PDE10A: variants seen among roughly 807,000 people sequenced by gnomAD.
PDE10A encodes phosphodiesterase 10A, also known as cAMP and cAMP-inhibited cGMP 3',5'-cyclic phosphodiesterase 10A.
A neutral mutation model predicts 97.7 loss-of-function variants in PDE10A; 39 were observed. That is an observed-to-expected ratio of 0.40 (90% CI 0.31 to 0.52). PDE10A has a LOEUF of 0.52. Among genes scored for constraint, PDE10A ranks in the 20% least tolerant of loss-of-function variants. The pLI, the probability that PDE10A is intolerant of heterozygous loss-of-function variation, is 0.56. For missense variants in PDE10A, 731 were observed against 1,047.8 expected, an observed-to-expected ratio of 0.70 and a Z score of 4.17; for synonymous variants, 371 against 376.8, an observed-to-expected ratio of 0.98 and a Z score of 0.18.
chr6:165,402,304 T>C (rs1246712561), intron 13 of PDE10A, among the ~76,000 whole-genome samples: 1 of 152,082 alleles, frequency 6.6e-6, no homozygotes, highest in Non-Finnish European at 1.5e-5. Context: ...TTTATATTTG[T>C]AATCAGTGTA....
intron 5 of PDE10A, among the ~76,000 whole-genome samples, chr6:165,437,715 A>T (rs1199797492): frequency 6.6e-6 from 1 of 152,190 alleles, no homozygotes; most frequent in Non-Finnish European, 1.5e-5. Context: ...TGAAGGCCCA[A>T]AACTCCAGCA....
intron 1 of PDE10A, among the ~76,000 whole-genome samples, chr6:165,603,808 A>G (rs1787081625): frequency 6.6e-6 from 1 of 152,262 alleles, no homozygotes; most frequent in African/African-American, 2.4e-5. Flanking sequence ...AACAACAAAA[A>G]ATTGGCACTA....
Position 165,543,188 on chromosome 6 carries a change from A to T in PDE10A, c.994+252T>A, listed in dbSNP as rs1290187450. Among the ~76,000 whole-genome samples the T allele has an allele frequency of 4.6e-5, 7 of 152,276 alleles. No individual in the cohort carries two copies. In the South Asian group the frequency reaches 6.2e-4, roughly 14 times the overall value. ...ATAATACTGACTTCTGCATTTTTCA[A>T]TATGGTTGTAACTTAATCAACTGAA... On this transcript the variant is annotated intron_variant, in intron 2 of 21. Transcript: ENST00000539869.
chr6:165,811,572 C>A (rs1433790694), intron 1 of PDE10A, among the ~76,000 whole-genome samples: 1 of 152,174 alleles, frequency 6.6e-6, no homozygotes, highest in African/African-American at 2.4e-5. Flanking sequence ...TTTCTATTTC[C>A]CGTCTGGGTC....
intron 1 of PDE10A, among the ~76,000 whole-genome samples, chr6:165,700,161 C>T (rs1374882065): frequency 6.6e-6 from 1 of 152,110 alleles, no homozygotes; most frequent in Admixed American, 6.5e-5. Context: ...TGTGGATAAA[C>T]CTTGAAAACA....
At chr6:165,912,796 G>A (rs1037567362) in intron 1 of PDE10A, among the ~76,000 whole-genome samples, 1 of 152,158 alleles carries the variant, frequency 6.6e-6, no homozygotes, top group Non-Finnish European at 1.5e-5. Context: ...TGACCAGAGG[G>A]TCACAGGAAG....
intron 1 of PDE10A, among the ~76,000 whole-genome samples, chr6:165,584,228 A>G (rs926764315): frequency 6.6e-6 from 1 of 152,164 alleles, no homozygotes; most frequent in Non-Finnish European, 1.5e-5. Flanking sequence ...AGTGCACTGC[A>G]GTTTTCTGGA....
At chr6:165,943,215 GAAAGAAA>G (rs1783609543) in intron 1 of PDE10A, among the ~76,000 whole-genome samples, 5 of 76,488 alleles carry the variant, frequency 6.5e-5, no homozygotes, top group African/African-American at 1.2e-4. Flanking sequence ...AAGAAAGAAA[GAAAGAAA>G]GAAAGAAAGA....
chr6:165,850,698 G>C (rs1206243609), intron 1 of PDE10A, among the ~76,000 whole-genome samples: 2 of 152,160 alleles, frequency 1.3e-5, no homozygotes, highest in East Asian at 3.8e-4. Flanking sequence ...TTCACAGAGG[G>C]CGTGAATGGT....
At position 165,722,879 on chromosome 6, in the gene PDE10A, T is replaced by TACAC. The variant is rs1204888782; in HGVS notation, c.-614-179312_-614-179311insGTGT. On this transcript the variant is annotated intron_variant, in intron 1 of 19. Coordinates refer to the PDE10A transcript ENST00000366882. Reference sequence around the variant, plus strand: ...TAAATAAAATTTGTTCATATATATATATATACACACACACACACACACATA... The same window carrying TACAC: ...TAAATAAAATTTGTTCATATATATATACACATATACACACACACACACACACATA... Among the ~76,000 whole-genome samples, 10 of 83,546 alleles carry TACAC rather than the reference T, an allele frequency of 1.2e-4. No individual in the cohort carries two copies. In the South Asian group the frequency reaches 1.3e-3, roughly 11 times the overall value. 54.8% of individuals were successfully genotyped at this position (83,546 alleles called of 152,430 possible).
rs527511258 is a variant in PDE10A, at chr6:165,331,934, T to C, written c.*1091A>G. ...TGCTATGGACAGAAAGCTCATGAAA[T>C]ACGACCGTGCAGTACGTGGAAGAGA... On this transcript the variant is annotated 3_prime_UTR_variant, in exon 22 of 22. Coordinates refer to ENST00000539869, the MANE Select transcript of PDE10A (RefSeq NM_001385079.1). The C allele has an allele frequency of 4.6e-5, 7 of 152,166 alleles. No homozygotes were observed. The highest frequency in any genetic ancestry group is 1.0e-4 in the Non-Finnish European group (7 of 68,032). 9.4% of individuals were successfully genotyped at this position (152,166 alleles called of 1,614,324 possible). A position where few individuals can be genotyped will look rare whatever the true frequency, so the allele number is the denominator to read the frequency against.
chr6:165,403,153 G>C (rs1786804443), intron 13 of PDE10A, among the ~76,000 whole-genome samples: 1 of 152,180 alleles, frequency 6.6e-6, no homozygotes. Context: ...CTAAGGAAAA[G>C]CACTGGCCAG....
At chr6:165,343,732 C>T (rs912061025) in intron 18 of PDE10A, among the ~76,000 whole-genome samples, 1 of 152,160 alleles carries the variant, frequency 6.6e-6, no homozygotes, top group African/African-American at 2.4e-5. Context: ...ATCATATGTT[C>T]CTGTTGCCTC....
intron 1 of PDE10A, among the ~76,000 whole-genome samples, chr6:165,634,935 C>T (rs1443006841): frequency 1.3e-5 from 2 of 152,204 alleles, no homozygotes; most frequent in Non-Finnish European, 2.9e-5. Flanking sequence ...CCATGGGTCC[C>T]TGGCCTGTGT....
intron 1 of PDE10A, among the ~76,000 whole-genome samples, chr6:165,688,193 T>C (rs1022057950): frequency 1.3e-5 from 2 of 152,102 alleles, no homozygotes; most frequent in Non-Finnish European, 2.9e-5. Context: ...TGATACAGTT[T>C]AAAAAATCTA....
At chr6:165,902,644 G>A (rs2457981) in intron 1 of PDE10A, among the ~76,000 whole-genome samples, 104,797 of 152,144 alleles carry the variant, frequency 0.69, 36,782 homozygotes, top group East Asian at 0.94. Flanking sequence ...AGTTCTAGGA[G>A]GTGGCTACCC....
At chr6:165,602,603 C>A (rs1293329278) in intron 1 of PDE10A, among the ~76,000 whole-genome samples, 1 of 152,168 alleles carries the variant, frequency 6.6e-6, no homozygotes, top group Non-Finnish European at 1.5e-5. Flanking sequence ...CTGGGAATGA[C>A]CTCGGTGATG....
At chr6:165,783,699 G>A (rs75399576) in intron 1 of PDE10A, among the ~76,000 whole-genome samples, 17,418 of 152,102 alleles carry the variant, frequency 0.11, 1,055 homozygotes, top group African/African-American at 0.15. Flanking sequence ...CTTACCAGCC[G>A]TTACTAGCCC....
intron 1 of PDE10A, among the ~76,000 whole-genome samples, chr6:165,625,759 T>C (rs2128411798): frequency 6.6e-6 from 1 of 152,336 alleles, no homozygotes; most frequent in East Asian, 1.9e-4. Context: ...TCTGCCATGA[T>C]TGTGAGGCCT....
Sources: gnomAD v4.1 joint callset for allele counts (sites outside exome capture counted in the v4.1 genomes callset) on GRCh38, gnomAD v4.1.1 for gene constraint, MANE v1.5 for transcripts, NCBI Gene and HGNC (gene_info 2026-07-23, HGNC 2026-07-21) for gene names.